The following RASAL1 variants were observed in gnomAD, a reference collection of about 807,000 sequenced individuals.
RASAL1 encodes RAS protein activator like 1, also known as rasGAP-activating-like protein 1.
Under a neutral mutation model 96.6 loss-of-function variants are expected in RASAL1, and 72 were observed. The ratio of observed to expected loss-of-function variants is 0.75; its 90% CI spans 0.62 to 0.91. The LOEUF (loss-of-function observed/expected upper bound fraction) is 0.91. Ranked by LOEUF, RASAL1 falls within the 40% of genes least tolerant of loss-of-function variation. The pLI, the probability that RASAL1 is intolerant of heterozygous loss-of-function variation, is 0.00. For missense variants in RASAL1, 1,016 were observed against 1,072.5 expected, an observed-to-expected ratio of 0.95 and a Z score of 0.74; for synonymous variants, 405 against 430.4, an observed-to-expected ratio of 0.94 and a Z score of 0.73.
rs144103224 is a variant in RASAL1 at position 113,117,311 on chromosome 12, TC to T, written c.643-151del. On this transcript the variant is annotated intron_variant, in intron 7 of 20. Transcript: ENST00000548055. Reference sequence around the variant, plus strand: ...GGGACCCCTCCTTCTCTCCTACAAGTCCCAAATTATTAGCTCCTGCCAGGAC... The same window carrying T: ...GGGACCCCTCCTTCTCTCCTACAAGTCCAAATTATTAGCTCCTGCCAGGAC... The T allele has an allele frequency of 5.1e-3, 2,712 of 529,208 alleles. 54 individuals carry two copies. The highest frequency in any genetic ancestry group is 0.047 in the African/African-American group (2,383 of 50,580). 32.8% of individuals were successfully genotyped at this position (529,208 alleles called of 1,614,324 possible).
In RASAL1 at chr12:113,135,467, C is replaced by T. The variant is rs1157910172; in HGVS notation, c.-5G>A. On this transcript the variant is annotated 5_prime_UTR_variant, in exon 1 of 21. Coordinates refer to ENST00000548055, the MANE Select transcript of RASAL1 (RefSeq NM_001301202.2). The surrounding 1 kb of genome is among the most constrained non-coding windows in gnomAD (Gnocchi z 5.7). The stretch of plus-strand genomic sequence containing the variant: ...CAGGGAGCTGCTCTTGGCCATGGCG[C>T]CTAGCCACAAACTTTCCAGGCAGAA... The T allele has an allele frequency of 1.2e-6, 2 of 1,603,382 alleles. No individual in the cohort carries two copies. The highest frequency in any genetic ancestry group is 2.3e-5 in the East Asian group (1 of 44,220).
At chr12:113,103,564 C>T (rs1270161231) in intron 18 of RASAL1, among the ~76,000 whole-genome samples, 1 of 151,840 alleles carries the variant, frequency 6.6e-6, no homozygotes, top group Non-Finnish European at 1.5e-5. Flanking sequence ...CGAGGTTGTG[C>T]CACTGCACTC....
At chr12:113,126,686 TCTCACA>T (rs1406148405) in intron 4 of RASAL1, among the ~76,000 whole-genome samples, 5 of 141,598 alleles carry the variant, frequency 3.5e-5, no homozygotes, top group Non-Finnish European at 4.5e-5. Flanking sequence ...TGTCTCTCTC[TCTCACA>T]CACACACACA....
At chr12:113,105,169 C>G (rs369912213) in intron 16 of RASAL1, among the ~76,000 whole-genome samples, 1 of 152,244 alleles carries the variant, frequency 6.6e-6, no homozygotes, top group Admixed American at 6.5e-5. Context: ...GATTCCAGCA[C>G]GTGTCTCGGG....
rs530124013 is a variant in RASAL1 at position 113,134,557 on chromosome 12, A to G, written c.65+841T>C. Reference sequence around the variant, plus strand: ...CAAGGCCCAGAGAGAAGCAGGTTCAAGGTCACACAACAAATGTCCTCCAGA... The same window carrying G: ...CAAGGCCCAGAGAGAAGCAGGTTCAGGGTCACACAACAAATGTCCTCCAGA... On this transcript the variant is annotated intron_variant, in intron 1 of 20. Coordinates refer to ENST00000548055, the MANE Select transcript of RASAL1 (RefSeq NM_001301202.2). Among the ~76,000 whole-genome samples, 36 of 152,330 alleles carry G rather than the reference A, an allele frequency of 2.4e-4. No individual in the cohort carries two copies. In the East Asian group the frequency reaches 7.0e-3, roughly 29 times the overall value.
At chr12:113,126,209 C>A (rs993089263) in intron 4 of RASAL1, among the ~76,000 whole-genome samples, 2 of 152,134 alleles carry the variant, frequency 1.3e-5, no homozygotes, top group Admixed American at 6.5e-5. Context: ...TGCTTGAGCC[C>A]GGGAGGCAAA....
chr12:113,103,067 G>T, intron 18 of RASAL1: 1 of 328,290 alleles, frequency 3.0e-6, no homozygotes, highest in South Asian at 2.4e-5. Flanking sequence ...GCATCCACTG[G>T]AATCTCAAAC....
intron 15 of RASAL1, 95 bp from the exon 16 acceptor site, chr12:113,105,981 G>T: frequency 7.6e-7 from 1 of 1,322,236 alleles, no homozygotes; most frequent in South Asian, 1.4e-5. Context: ...CTCAGTGGAC[G>T]GGCATGGTTC....
intron 1 of RASAL1, among the ~76,000 whole-genome samples, chr12:113,133,291 C>A (rs1445807346): frequency 6.6e-6 from 1 of 152,212 alleles, no homozygotes; most frequent in African/African-American, 2.4e-5. Context: ...CTCCCACGGC[C>A]CCTGACTCAG....
In RASAL1 at chr12:113,135,389, A is replaced by T; in HGVS notation, c.65+9T>A. The T allele has an allele frequency of 6.2e-7, 1 of 1,606,742 alleles. No homozygotes were observed. The highest frequency in any genetic ancestry group is 1.3e-5 in the African/African-American group (1 of 74,852). ...GCCCCTCACCCAGAAGCGCCCGAGG[A>T]GTACTCACACGTCCTTGGCAGGCAG... On this transcript the variant is annotated intron_variant, in intron 1 of 20. Transcript: ENST00000548055. The surrounding 1 kb of genome is among the most constrained non-coding windows in gnomAD (Gnocchi z 5.7).
At position 113,135,672 on chromosome 12, in the gene RASAL1, G is replaced by A. The variant is rs1408054764; in HGVS notation, c.-210C>T. ...GGGAGCGCCCGTCCGGACTCTACAG[G>A]TAGGAGCCGTGCTCCGAGCAGGAGG... On this transcript the variant is annotated 5_prime_UTR_variant, in exon 1 of 21. Coordinates refer to ENST00000548055, the MANE Select transcript of RASAL1 (RefSeq NM_001301202.2). This position sits in a 1 kb window ranked among gnomAD's most constrained non-coding sequence, Gnocchi z 5.7. The A allele has an allele frequency of 1.2e-5, 6 of 488,532 alleles. No individual in the cohort carries two copies. The highest frequency in any genetic ancestry group is 2.2e-5 in the Non-Finnish European group (6 of 268,046). 30.3% of individuals were successfully genotyped at this position (488,532 alleles called of 1,614,324 possible).
chr12:113,122,232 C>T (rs940478823), intron 4 of RASAL1, among the ~76,000 whole-genome samples: 13 of 152,184 alleles, frequency 8.5e-5, no homozygotes, highest in Non-Finnish European at 1.6e-4. Context: ...ACACACTTCC[C>T]CCTGGTATAG....
At chr12:113,117,189 GCCGGGC>G (rs1306388121) in intron 7 of RASAL1, 28 bp from the exon 8 acceptor site, 5 of 1,527,470 alleles carry the variant, frequency 3.3e-6, no homozygotes, top group Non-Finnish European at 4.5e-6. Flanking sequence ...CAGACCCTCA[GCCGGGC>G]CCTGGCCTGC....
At position 113,128,088 on chromosome 12, in the gene RASAL1, G is replaced by A. The variant is rs560024420; in HGVS notation, c.213C>T (p.Tyr71=). The A allele has an allele frequency of 3.7e-5, 59 of 1,613,924 alleles. No homozygotes were observed. In the South Asian group the frequency reaches 5.3e-4, roughly 14 times the overall value. Residue 71 remains tyrosine (Y), a synonymous_variant, in exon 3 of 21, where the codon TAC becomes TAT. Transcript: ENST00000548055. ...LPLDFHQLAF[Y]VLDEDTVGHD... is the part of the protein sequence containing the mutation. ...ACCCGACAGTGTCCTCATCCAGCAC[G>A]TAGAAGGCCAGCTGGTGGAAATCCA... is the stretch of plus-strand genomic sequence containing the variant.
At chr12:113,103,240 A>G (rs1011753442) in intron 18 of RASAL1, 8 of 148,576 alleles carry the variant, frequency 5.4e-5, no homozygotes, top group African/African-American at 1.7e-4. Flanking sequence ...CAATGTTATT[A>G]TTTACAATGT....
At chr12:113,122,307 T>G (rs1181094571) in intron 4 of RASAL1, among the ~76,000 whole-genome samples, 1 of 152,166 alleles carries the variant, frequency 6.6e-6, no homozygotes, top group African/African-American at 2.4e-5. Flanking sequence ...ATTTCTCCCC[T>G]CTGTATTTCT....
At position 113,135,677 on chromosome 12, in the gene RASAL1, A is replaced by G. The variant is rs930161679; in HGVS notation, c.-215T>C. ...CGCCCGTCCGGACTCTACAGGTAGG[A>G]GCCGTGCTCCGAGCAGGAGGAGCGC... is the stretch of plus-strand genomic sequence containing the variant. On this transcript the variant is annotated 5_prime_UTR_variant, in exon 1 of 21. Transcript: ENST00000548055. The surrounding 1 kb of genome is among the most constrained non-coding windows in gnomAD (Gnocchi z 5.7). The G allele has an allele frequency of 6.8e-6, 3 of 444,410 alleles. No homozygotes were observed. The highest frequency in any genetic ancestry group is 6.2e-5 in the African/African-American group (3 of 48,562). 27.5% of individuals were successfully genotyped at this position (444,410 alleles called of 1,614,324 possible). A position where few individuals can be genotyped will look rare whatever the true frequency, so the allele number is the denominator to read the frequency against.
At chr12:113,108,249 G>A (rs769744325) in intron 13 of RASAL1, 27 bp from the exon 14 acceptor site, 3 of 1,599,124 alleles carry the variant, frequency 1.9e-6, no homozygotes, top group East Asian at 4.5e-5. Context: ...AAGGTAAGAG[G>A]AGCCCCCCAA....
intron 12 of RASAL1, among the ~76,000 whole-genome samples, chr12:113,114,067 C>T (rs1950969726): frequency 6.6e-6 from 1 of 152,106 alleles, no homozygotes; most frequent in Non-Finnish European, 1.5e-5. Context: ...GGTCATGAGC[C>T]CCACGTTTCA....
Sources: allele counts gnomAD v4.1 joint callset (sites outside exome capture counted in the v4.1 genomes callset), GRCh38; gene constraint gnomAD v4.1.1; non-coding constraint Gnocchi (gnomAD v3.1); transcripts MANE v1.5; gene names NCBI Gene and HGNC (gene_info 2026-07-23, HGNC 2026-07-21).